The following NKAIN2 variants were observed in gnomAD, a reference collection of about 807,000 sequenced individuals.
The protein encoded by NKAIN2 is sodium/potassium transporting ATPase interacting 2, also known as sodium/potassium-transporting ATPase subunit beta-1-interacting protein 2.
In NKAIN2, 14 loss-of-function variants were observed where a neutral mutation model predicts 32.6. That is an observed-to-expected ratio of 0.43 (90% CI 0.28 to 0.67). The LOEUF is 0.67. Ranked by LOEUF, NKAIN2 falls within the 30% of genes least tolerant of loss-of-function variation. The pLI is 0.17. For synonymous variants in NKAIN2, 80 were observed against 87.2 expected, an observed-to-expected ratio of 0.92 and a Z score of 0.46; for missense variants, 198 against 258.3, an observed-to-expected ratio of 0.77 and a Z score of 1.60.
chr6:124,227,753 G>T (rs1011380680), intron 1 of NKAIN2, among the ~76,000 whole-genome samples: 1 of 152,106 alleles, frequency 6.6e-6, no homozygotes, highest in Non-Finnish European at 1.5e-5. Flanking sequence ...TGACTTCTTA[G>T]CTTACAGAAG....
At chr6:124,524,583 A>C (rs1312501826) in intron 3 of NKAIN2, among the ~76,000 whole-genome samples, 1 of 152,168 alleles carries the variant, frequency 6.6e-6, no homozygotes, top group East Asian at 1.9e-4. Context: ...GCACTCCAGA[A>C]AACCCTTAAG....
At chr6:124,203,932 G>A (rs780507673) in intron 1 of NKAIN2, among the ~76,000 whole-genome samples, 4 of 151,778 alleles carry the variant, frequency 2.6e-5, no homozygotes, top group South Asian at 2.1e-4. Flanking sequence ...AAATGATTTC[G>A]CAGAAGGATT....
intron 1 of NKAIN2, among the ~76,000 whole-genome samples, chr6:123,948,000 G>A (rs942016746): frequency 1.3e-5 from 2 of 151,958 alleles, no homozygotes; most frequent in Non-Finnish European, 2.9e-5. Context: ...CCATATATGA[G>A]TGAGAACATA....
intron 1 of NKAIN2, among the ~76,000 whole-genome samples, chr6:123,873,049 C>A (rs1772980161): frequency 6.6e-6 from 1 of 152,066 alleles, no homozygotes; most frequent in South Asian, 2.1e-4. Context: ...GACAAGGTCT[C>A]TACTCTGATG....
chr6:124,150,463 A>G (rs1440170737), intron 1 of NKAIN2, among the ~76,000 whole-genome samples: 1 of 152,116 alleles, frequency 6.6e-6, no homozygotes, highest in East Asian at 1.9e-4. Flanking sequence ...AAACATTTCT[A>G]TAGTTTGCCT....
intron 1 of NKAIN2, among the ~76,000 whole-genome samples, chr6:124,173,825 T>C (rs1444527897): frequency 8.5e-5 from 13 of 152,112 alleles, no homozygotes; most frequent in Non-Finnish European, 1.6e-4. Flanking sequence ...GATTGATACT[T>C]AGTGGATGGT....
chr6:123,839,174 A>G (rs1000421257), intron 1 of NKAIN2, among the ~76,000 whole-genome samples: 1 of 151,862 alleles, frequency 6.6e-6, no homozygotes, highest in Non-Finnish European at 1.5e-5. Flanking sequence ...TTGAACTTGC[A>G]GAAGGAAAAA....
intron 1 of NKAIN2, among the ~76,000 whole-genome samples, chr6:123,912,942 A>G (rs1433766930): frequency 1.3e-5 from 2 of 152,228 alleles, no homozygotes; most frequent in Non-Finnish European, 2.9e-5. Flanking sequence ...TAAAAAGGTT[A>G]TGTTCTATTT....
chr6:124,590,027 A>T (rs141398548), intron 3 of NKAIN2, among the ~76,000 whole-genome samples: 171 of 152,308 alleles, frequency 1.1e-3, no homozygotes, highest in Middle Eastern at 3.4e-3. Flanking sequence ...AGACTCTGTT[A>T]TCACTTTTCA....
intron 3 of NKAIN2, among the ~76,000 whole-genome samples, chr6:124,528,524 CA>C (rs1779403444): frequency 6.6e-6 from 1 of 152,040 alleles, no homozygotes; most frequent in Non-Finnish European, 1.5e-5. Flanking sequence ...CATTGTTCTA[CA>C]AAAAACTAGC....
intron 1 of NKAIN2, among the ~76,000 whole-genome samples, chr6:123,983,642 C>G (rs1320876403): frequency 1.3e-5 from 2 of 151,984 alleles, no homozygotes; most frequent in Non-Finnish European, 2.9e-5. Flanking sequence ...TTCCACACTA[C>G]CCCCCCACCT....
intron 3 of NKAIN2, among the ~76,000 whole-genome samples, chr6:124,557,582 AAAAG>A (rs1475437103): frequency 6.6e-6 from 1 of 152,188 alleles, no homozygotes; most frequent in African/African-American, 2.4e-5. Flanking sequence ...ACCTGAAAGG[AAAAG>A]AAAGAGGAAT....
At chr6:124,013,045 C>G (rs1481074196) in intron 1 of NKAIN2, among the ~76,000 whole-genome samples, 1 of 152,090 alleles carries the variant, frequency 6.6e-6, no homozygotes, top group Non-Finnish European at 1.5e-5. Context: ...TTAATAGGTA[C>G]CTTATTGTAG....
chr6:123,888,563 A>G (rs1199973362), intron 1 of NKAIN2, among the ~76,000 whole-genome samples: 1 of 152,128 alleles, frequency 6.6e-6, no homozygotes, highest in Non-Finnish European at 1.5e-5. Flanking sequence ...CTCTTGCCAC[A>G]ATAATCCCTG....
chr6:123,948,307 A>G (rs1482578774), intron 1 of NKAIN2, among the ~76,000 whole-genome samples: 1 of 152,064 alleles, frequency 6.6e-6, no homozygotes, highest in Non-Finnish European at 1.5e-5. Context: ...GCTGAATCAT[A>G]TGGTAGTTCT....
intron 1 of NKAIN2, among the ~76,000 whole-genome samples, chr6:123,924,502 A>C (rs983946607): frequency 6.6e-6 from 1 of 152,236 alleles, no homozygotes; most frequent in Non-Finnish European, 1.5e-5. Context: ...TTTATAATCT[A>C]TACAGAATTA....
chr6:124,459,304 A>G (rs759306824), intron 3 of NKAIN2, among the ~76,000 whole-genome samples: 5 of 152,054 alleles, frequency 3.3e-5, no homozygotes, highest in South Asian at 2.1e-4. Context: ...TATGGCTTAC[A>G]TATGTCCTCA....
intron 3 of NKAIN2, among the ~76,000 whole-genome samples, chr6:124,358,130 A>G (rs1349014916): frequency 6.6e-6 from 1 of 152,206 alleles, no homozygotes; most frequent in Non-Finnish European, 1.5e-5. Context: ...GCTGCATAGT[A>G]TTCCATGATG....
intron 1 of NKAIN2, among the ~76,000 whole-genome samples, chr6:124,098,303 A>C (rs185713767): frequency 1.1e-3 from 160 of 152,324 alleles, no homozygotes; most frequent in African/African-American, 3.7e-3. Flanking sequence ...AAGCTCTTTG[A>C]GGACAGGGAT....
Sources: gnomAD v4.1 joint callset for allele counts (sites outside exome capture counted in the v4.1 genomes callset) on GRCh38, gnomAD v4.1.1 for gene constraint, MANE v1.5 for transcripts, NCBI Gene and HGNC (gene_info 2026-07-23, HGNC 2026-07-21) for gene names.